The following PTPRF variants were observed in gnomAD, a reference collection of about 807,000 sequenced individuals.
PTPRF encodes receptor-type tyrosine-protein phosphatase F.
A neutral mutation model predicts 201.8 loss-of-function variants in PTPRF; 59 were observed. That is an observed-to-expected ratio of 0.29 (90% CI 0.24 to 0.36). PTPRF has a LOEUF of 0.36. Among genes scored for constraint, PTPRF ranks in the 10% least tolerant of loss-of-function variants. The pLI is 1.00. For missense variants in PTPRF, 2,132 were observed against 2,690.5 expected (o/e 0.79, Z 4.59); for synonymous variants, 1,088 against 1,089.7 (o/e 1.00, Z 0.03).
chr1:43,605,713 G>C, intron 19 of PTPRF, 91 bp downstream of exon 19: 1 of 1,229,068 alleles, frequency 8.1e-7, no homozygotes, highest in Non-Finnish European at 1.2e-6. Context: ...GTGACTCTCA[G>C]ATTCACTCCC....
In PTPRF at chr1:43,569,664, G is replaced by A. The variant is rs569999879; in HGVS notation, c.454G>A (p.Ala152Thr). 2 of 1,614,060 alleles carry A rather than the reference G, an allele frequency of 1.2e-6. No individual in the cohort carries two copies. The highest frequency in any genetic ancestry group is 1.7e-5 in the Admixed American group (1 of 60,022). ...QLKVVEKARTATMLCAAGGNP... is the reference protein window; with the variant it reads ...QLKVVEKARTTTMLCAAGGNP... ...GAAGGTGGTGGAGAAGGCACGCACA[G>A]CCACCATGCTATGTGCCGCAGGCGG... is the stretch of plus-strand genomic sequence containing the variant. Residue 152 changes from alanine to threonine, a missense_variant, in exon 6 of 34, where the codon GCC becomes ACC. Around this residue, in one of 6 missense-constraint regions of PTPRF, gnomAD observed 297 missense variants for 454.0 expected, o/e 0.65. Transcript: ENST00000359947.
chr1:43,560,105 A>AGTGT lies in PTPRF; in HGVS notation c.379+6181_379+6184dup, dbSNP rs58961389. On this transcript the variant is annotated intron_variant, in intron 5 of 33. Coordinates refer to ENST00000359947, the MANE Select transcript of PTPRF (RefSeq NM_002840.5). ...GTACAGCAGATGGTGTGCAGCAGGC[A>AGTGT]GTGTGTGTGTGTGTGTGTGTACAAT... 7.2e-3 allele frequency among the ~76,000 whole-genome samples: 1,013 copies of AGTGT among 139,840 alleles called. 27 individuals are homozygous for AGTGT. The East Asian group carries it at 0.096, about 13-fold the overall frequency. The allele number at this position is 139,840 out of a possible 152,430, so 91.7% of individuals were successfully genotyped here. A position where few individuals can be genotyped will look rare whatever the true frequency, so the allele number is the denominator to read the frequency against.
chr1:43,620,604 C>T lies in PTPRF; in HGVS notation c.5364+25C>T, dbSNP rs200232030. ...GGTGAGTGAGTGCATTGAGTGTGTCCATAACGCTGCCTGTCCACACGCTGG... is the reference window on the plus strand; with the variant it reads ...GGTGAGTGAGTGCATTGAGTGTGTCTATAACGCTGCCTGTCCACACGCTGG... On this transcript the variant is annotated intron_variant, in intron 31 of 33. Transcript: ENST00000359947. 4.7e-5 allele frequency: 76 copies of T among 1,608,586 alleles called. No individual in the cohort carries two copies. The Middle Eastern group carries it at 2.5e-3, about 53-fold the overall frequency.
At position 43,546,039 on chromosome 1, in the gene PTPRF, G is replaced by T. The variant is rs1644651564; in HGVS notation, c.91+873G>T. ...GGAGCCAAGGTCCCTGGGGGAAGGGGCCGTTCCCAGCCTGTCCAGAGCCCA... is the reference window on the plus strand; with the variant it reads ...GGAGCCAAGGTCCCTGGGGGAAGGGTCCGTTCCCAGCCTGTCCAGAGCCCA... On this transcript the variant is annotated intron_variant, in intron 3 of 33. Coordinates refer to ENST00000359947, the MANE Select transcript of PTPRF (RefSeq NM_002840.5). This position sits in a 1 kb window ranked among gnomAD's most constrained non-coding sequence, Gnocchi z 4.2. 6.6e-6 allele frequency among the ~76,000 whole-genome samples: 1 copy of T among 152,116 alleles called. No individual in the cohort carries two copies. Among genetic ancestry groups the T allele is most frequent in the Admixed American group, 6.5e-5 (1 of 15,274 alleles).
At position 43,544,911 on chromosome 1, in the gene PTPRF, C is replaced by T; in HGVS notation, c.-45-120C>T. ...CATTGCACAGCCCAAGTGGGGGGCT[C>T]TGTTGAACTAGGCTCTGGATGGTCA... On this transcript the variant is annotated intron_variant, in intron 2 of 33. Coordinates refer to ENST00000359947, the MANE Select transcript of PTPRF (RefSeq NM_002840.5). 6.4e-6 allele frequency: 4 copies of T among 627,244 alleles called. 1 individual carries two copies. The South Asian group carries it at 8.2e-5, about 13-fold the overall frequency. The allele number at this position is 627,244 out of a possible 1,614,324, so 38.9% of individuals were successfully genotyped here. A position where few individuals can be genotyped will look rare whatever the true frequency, so the allele number is the denominator to read the frequency against.
At position 43,602,063 on chromosome 1, in the gene PTPRF, G is replaced by A. The variant is rs368405114; in HGVS notation, c.2314-8G>A. 1,299 of 1,612,574 alleles carry A rather than the reference G, an allele frequency of 8.1e-4. 1 individual carries two copies. The highest frequency in any genetic ancestry group is 1.0e-3 in the Non-Finnish European group (1,235 of 1,178,570). ...CTGTCTCCCTTTCTCTCCCTCTCCC[G>A]CGGTCAGTGGCGGCCAGAGGAGTCC... On this transcript the variant is annotated splice_region_variant and splice_polypyrimidine_tract_variant and intron_variant, in intron 13 of 33. Transcript: ENST00000359947.
chr1:43,603,513 T>C lies in PTPRF; in HGVS notation c.2438T>C (p.Ile813Thr), dbSNP rs751390769. ...GATGGTGCCCGCAGCAAGCCCAAAA[T>C]TGTCACTACAACAGGTGCAGGTGAG... Reference protein sequence around the residue: ...KGDGARSKPKIVTTTGAVPGR... With the variant: ...KGDGARSKPKTVTTTGAVPGR... The change falls in exon 15 of 34, where the codon ATT becomes ACT. Residue 813 changes from isoleucine to threonine, a missense_variant. This residue lies in a region of PTPRF where 818 missense variants were observed against 915.3 expected (regional missense o/e 0.89). Transcript: ENST00000359947. The surrounding 1 kb of genome is among the most constrained non-coding windows in gnomAD (Gnocchi z 5.8). 1.4e-5 allele frequency: 22 copies of C among 1,613,814 alleles called. No individual in the cohort carries two copies. The highest frequency in any genetic ancestry group is 1.6e-5 in the Non-Finnish European group (19 of 1,179,964).
rs1656991026 is a variant in PTPRF at position 43,613,503 on chromosome 1, C to G, written c.3974-115C>G. Reference sequence around the variant, plus strand: ...GCTGCTGTCTCCATGCCACCAGTTCCAAGTGCTCCATGGTCACACATGTTC... The same window carrying G: ...GCTGCTGTCTCCATGCCACCAGTTCGAAGTGCTCCATGGTCACACATGTTC... On this transcript the variant is annotated intron_variant, in intron 22 of 33. Transcript: ENST00000359947. The G allele has an allele frequency of 3.5e-6, 3 of 862,074 alleles. No homozygotes were observed. The East Asian group carries it at 7.4e-5, about 21-fold the overall frequency. The allele number at this position is 862,074 out of a possible 1,614,324, so 53.4% of individuals were successfully genotyped here.
chr1:43,561,702 A>G (rs1011585381), intron 5 of PTPRF, among the ~76,000 whole-genome samples: 2 of 152,194 alleles, frequency 1.3e-5, no homozygotes, highest in Admixed American at 6.5e-5. Context: ...CCACGCAGAC[A>G]TGAGGTTCTA....
intron 1 of PTPRF, among the ~76,000 whole-genome samples, chr1:43,536,473 T>C (rs1378151952): frequency 6.6e-6 from 1 of 152,128 alleles, no homozygotes; most frequent in African/African-American, 2.4e-5. Flanking sequence ...CCTGTCTCAG[T>C]CTCCAAGCAC....
At chr1:43,612,720 C>T (rs895434251) in intron 22 of PTPRF, 1 of 1,343,106 alleles carries the variant, frequency 7.4e-7, no homozygotes. Context: ...GCTTTCTTTT[C>T]TTGCCCCGTT....
rs1352062223 is a variant in PTPRF, at chr1:43,620,197, G to T, written c.5214G>T (p.Leu1738=). 2 of 1,614,064 alleles carry T rather than the reference G, an allele frequency of 1.2e-6. No individual in the cohort carries two copies. The highest frequency in any genetic ancestry group is 1.7e-6 in the Non-Finnish European group (2 of 1,179,962). Residue 1738 remains leucine, a synonymous_variant, in exon 30 of 34, where the codon CTG becomes CTT. Transcript: ENST00000359947. The stretch of plus-strand genomic sequence containing the variant: ...ACAATTCCACCATCATCGTCATGCT[G>T]ACCAAGCTTCGGGAGATGGGCAGGG... ...WEHNSTIIVM[L]TKLREMGREK...
At chr1:43,568,306 A>AG (rs1646328839) in intron 5 of PTPRF, among the ~76,000 whole-genome samples, 1 of 151,878 alleles carries the variant, frequency 6.6e-6, no homozygotes, top group Non-Finnish European at 1.5e-5. Context: ...AAAAAAAAAA[A>AG]AAAGAAAAAG....
intron 7 of PTPRF, among the ~76,000 whole-genome samples, chr1:43,586,608 G>A (rs1394699859): frequency 6.6e-6 from 1 of 152,218 alleles, no homozygotes; most frequent in Non-Finnish European, 1.5e-5. Context: ...TTATACCAGC[G>A]TAAGCAAAAC....
chr1:43,560,694 A>ATGGTC (rs974055084), intron 5 of PTPRF, among the ~76,000 whole-genome samples: 15 of 152,272 alleles, frequency 9.9e-5, no homozygotes, highest in Non-Finnish European at 1.5e-4. Context: ...TGTGGCCAGA[A>ATGGTC]TGGTCTGGCT....
chr1:43,615,460 C>G (rs1657530549), intron 23 of PTPRF, among the ~76,000 whole-genome samples: 1 of 151,508 alleles, frequency 6.6e-6, no homozygotes, highest in African/African-American at 2.4e-5. Flanking sequence ...CAGAGCTTTC[C>G]TTACAAGACC....
rs1301813956 is a variant in PTPRF, at chr1:43,603,205, G to A, written c.2341-211G>A. Among the ~76,000 whole-genome samples, 2 of 152,090 alleles carry A rather than the reference G, an allele frequency of 1.3e-5. No homozygotes were observed. Among genetic ancestry groups the A allele is most frequent in the African/African-American group, 2.4e-5 (1 of 41,400 alleles). ...AATGAGCTGTCTGCCCCAGGCGTGC[G>A]GCTCCTGGGATGGGCGGGGTCCTCC... On this transcript the variant is annotated intron_variant, in intron 14 of 33. Transcript: ENST00000359947. This position sits in a 1 kb window ranked among gnomAD's most constrained non-coding sequence, Gnocchi z 5.8.
In PTPRF at chr1:43,621,138, T is replaced by A. The variant is rs1384223816; in HGVS notation, c.5561T>A (p.Ile1854Asn). The A allele has an allele frequency of 6.2e-7, 1 of 1,614,108 alleles. No homozygotes were observed. Among genetic ancestry groups the A allele is most frequent in the African/African-American group, 1.3e-5 (1 of 75,054 alleles). ...GRTGVFITLSIVLERMRYEGV... is the reference protein window; with the variant it reads ...GRTGVFITLSNVLERMRYEGV... ...ACCGGGGTGTTCATCACTCTGAGCATCGTCCTGGAGCGCATGCGCTACGAG... is the reference window on the plus strand; with the variant it reads ...ACCGGGGTGTTCATCACTCTGAGCAACGTCCTGGAGCGCATGCGCTACGAG... Residue 1854 changes from isoleucine to asparagine, a missense_variant, in exon 33 of 34, where the codon ATC becomes AAC. Around this residue, in one of 6 missense-constraint regions of PTPRF, gnomAD observed 519 missense variants for 659.5 expected, o/e 0.79. Transcript: ENST00000359947.
At chr1:43,590,560 A>G (rs1419329331) in intron 8 of PTPRF, among the ~76,000 whole-genome samples, 2 of 152,186 alleles carry the variant, frequency 1.3e-5, no homozygotes, top group Admixed American at 6.5e-5. Context: ...TCCCCTGCCT[A>G]TTACACATAC....
Sources: gnomAD v4.1 joint callset for allele counts (sites outside exome capture counted in the v4.1 genomes callset) on GRCh38, gnomAD v4.1.1 for gene constraint, gnomAD v4.1.1 regional missense constraint, Gnocchi (gnomAD v3.1) non-coding constraint, MANE v1.5 for transcripts, NCBI Gene and HGNC (gene_info 2026-07-23, HGNC 2026-07-21) for gene names.